HIVEP3: variants seen among roughly 807,000 people sequenced by gnomAD.
HIVEP3 encodes the protein HIVEP zinc finger 3.
HIVEP3 carries 49 observed loss-of-function variants against 152.8 expected under a neutral mutation model. That is an observed-to-expected ratio of 0.32 (90% CI 0.26 to 0.41). HIVEP3 has a LOEUF of 0.41. Among genes scored for constraint, HIVEP3 ranks in the 10% least tolerant of loss-of-function variants. The pLI, the probability that HIVEP3 is intolerant of heterozygous loss-of-function variation, is 1.00. For missense variants in HIVEP3, 2,790 were observed against 3,103.3 expected (o/e 0.90, Z 2.40); for synonymous variants, 1,269 against 1,289.0 (o/e 0.98, Z 0.33).
At chr1:41,760,103 C>T (rs536131916) in intron 1 of HIVEP3, among the ~76,000 whole-genome samples, 22 of 152,140 alleles carry the variant, frequency 1.4e-4, no homozygotes, top group Non-Finnish European at 2.9e-4. Flanking sequence ...AGCCCAAGAG[C>T]TGGAGGCTGC....
intron 1 of HIVEP3, among the ~76,000 whole-genome samples, chr1:41,885,053 A>C (rs1267320051): frequency 6.6e-6 from 1 of 152,140 alleles, no homozygotes. Flanking sequence ...GCAGTCCCTT[A>C]TTATACAAGC....
intron 5 of HIVEP3, among the ~76,000 whole-genome samples, chr1:41,532,077 A>G (rs1335330884): frequency 2.1e-4 from 28 of 133,516 alleles, no homozygotes; most frequent in Non-Finnish European, 3.2e-5. Flanking sequence ...GATGGAGGAC[A>G]GGAGAGATGG....
rs1175886877 is a variant in HIVEP3, at chr1:41,740,611, C to T, written c.-800-39616G>A. On this transcript the variant is annotated intron_variant, in intron 1 of 8. Coordinates refer to ENST00000372583, the MANE Select transcript of HIVEP3 (RefSeq NM_024503.5). ...GTGTCCTTCATATTTATTCTACAAACGTTTAATAAACACCCACCACTACAC... is the reference window on the plus strand; with the variant it reads ...GTGTCCTTCATATTTATTCTACAAATGTTTAATAAACACCCACCACTACAC... Among the ~76,000 whole-genome samples the T allele has an allele frequency of 4.6e-5, 7 of 152,216 alleles. No individual in the cohort carries two copies. The South Asian group carries it at 6.2e-4, about 14-fold the overall frequency.
chr1:41,978,107 T>C (rs983624988), intron 1 of HIVEP3, among the ~76,000 whole-genome samples: 5 of 152,226 alleles, frequency 3.3e-5, no homozygotes, highest in African/African-American at 4.8e-5. Flanking sequence ...CTTTCTGGTC[T>C]AAATTATAGA....
At position 41,507,729 on chromosome 1, in the gene HIVEP3, G is replaced by A. The variant is rs71648554; in HGVS notation, c.*2722C>T. The A allele has an allele frequency of 0.12, 18,167 of 152,462 alleles. 1,282 individuals carry two copies. The highest frequency in any genetic ancestry group is 0.18 in the Middle Eastern group (52 of 294). 9.4% of individuals were successfully genotyped at this position (152,462 alleles called of 1,614,324 possible). A position where few individuals can be genotyped will look rare whatever the true frequency, so the allele number is the denominator to read the frequency against. The stretch of plus-strand genomic sequence containing the variant: ...AGAGGAGGGCGTGCATGGGGCGAGC[G>A]TCTTTCTCCAAATCATGAAGGTGTA... On this transcript the variant is annotated 3_prime_UTR_variant, in exon 9 of 9. Transcript: ENST00000372583.
At chr1:41,717,200 G>C (rs1479132835) in intron 1 of HIVEP3, among the ~76,000 whole-genome samples, 1 of 151,548 alleles carries the variant, frequency 6.6e-6, no homozygotes, top group Non-Finnish European at 1.5e-5. Flanking sequence ...CTGGGGACCA[G>C]AACTTGGGCA....
intron 1 of HIVEP3, among the ~76,000 whole-genome samples, chr1:41,813,546 G>A (rs563640003): frequency 5.9e-5 from 9 of 152,306 alleles, no homozygotes; most frequent in African/African-American, 1.7e-4. Flanking sequence ...ACTTCTCTCC[G>A]CAGGACCACA....
intron 1 of HIVEP3, among the ~76,000 whole-genome samples, chr1:41,902,070 C>A (rs1417396001): frequency 6.6e-6 from 1 of 152,114 alleles, no homozygotes; most frequent in Non-Finnish European, 1.5e-5. Context: ...AGCCCAGAAA[C>A]TACCCACAAG....
Position 41,513,508 on chromosome 1 carries a change from C to T in HIVEP3, c.5713G>A (p.Ala1905Thr). 1.3e-6 allele frequency: 2 copies of T among 1,595,890 alleles called. No individual in the cohort carries two copies. Among genetic ancestry groups the T allele is most frequent in the Non-Finnish European group, 1.7e-6 (2 of 1,172,212 alleles). The change falls in exon 8 of 9, where the codon GCC (alanine) becomes ACC (threonine). Residue 1905 changes from alanine (A) to threonine (T), a missense_variant. Physicochemically the swap from Ala to Thr is moderately conservative, Grantham distance 58. Transcript: ENST00000372583. ...GTAGCCTCCGTGCCAGAGGCGGGGG[C>T]ATCTGGGGGCTGAGGGCCCAGGATG... is the stretch of plus-strand genomic sequence containing the variant. ...SPILGPQPPDAPASGTEATRG... is the reference protein window; with the variant it reads ...SPILGPQPPDTPASGTEATRG...
At chr1:41,647,458 T>C (rs1645477616) in intron 2 of HIVEP3, among the ~76,000 whole-genome samples, 1 of 152,222 alleles carries the variant, frequency 6.6e-6, no homozygotes, top group African/African-American at 2.4e-5. Context: ...CCACAGTGAC[T>C]GCAAGAGCAG....
rs1365885431 is a variant in HIVEP3 at position 41,580,923 on chromosome 1, G to A, written c.3875C>T (p.Pro1292Leu). ...SSDIRLPPVA[P>L]PASSSAPTSA... ...TGTAGGTGCTGAGGAGCTGGCTGGG[G>A]GAGCCACAGGGGGTAGCCGGATGTC... Residue 1292 changes from proline to leucine, a missense_variant, in exon 4 of 9, where the codon CCC becomes CTC. Pro to Leu is a moderately conservative substitution (Grantham distance 98). Coordinates refer to ENST00000372583, the MANE Select transcript of HIVEP3 (RefSeq NM_024503.5). 1.2e-6 allele frequency: 2 copies of A among 1,612,740 alleles called. No homozygotes were observed. The highest frequency in any genetic ancestry group is 1.7e-6 in the Non-Finnish European group (2 of 1,179,470).
chr1:42,018,037 T>C (rs1238302059), intron 1 of HIVEP3, among the ~76,000 whole-genome samples: 2 of 152,176 alleles, frequency 1.3e-5, no homozygotes, highest in Admixed American at 6.5e-5. Context: ...GCAATTGATA[T>C]AACTTTTAAC....
Position 41,628,936 on chromosome 1 carries a change from G to C in HIVEP3, c.-709C>G. 8.1e-7 allele frequency: 1 copy of C among 1,230,860 alleles called. No homozygotes were observed. The highest frequency in any genetic ancestry group is 4.2e-5 in the Admixed American group (1 of 23,716). 76.2% of individuals were successfully genotyped at this position (1,230,860 alleles called of 1,614,324 possible). A position where few individuals can be genotyped will look rare whatever the true frequency, so the allele number is the denominator to read the frequency against. ...GAACTAGGTTGAGGCTGCTGGGTTT[G>C]TGCCTCGAATCCTGCAGGAGATGAT... On this transcript the variant is annotated 5_prime_UTR_variant, in exon 3 of 9. Transcript: ENST00000372583.
At chr1:41,543,673 T>A (rs981206608) in intron 5 of HIVEP3, 2 of 152,236 alleles carry the variant, frequency 1.3e-5, no homozygotes, top group African/African-American at 4.8e-5. Context: ...ATATTGAGAC[T>A]GGGGCTAGAC....
At chr1:42,009,118 C>A (rs1022109415) in intron 1 of HIVEP3, among the ~76,000 whole-genome samples, 1 of 152,196 alleles carries the variant, frequency 6.6e-6, no homozygotes, top group Non-Finnish European at 1.5e-5. Context: ...AATTTACCAA[C>A]GCTGGTGATG....
At chr1:41,961,335 CA>C (rs778806882) in intron 1 of HIVEP3, among the ~76,000 whole-genome samples, 2 of 152,214 alleles carry the variant, frequency 1.3e-5, no homozygotes, top group African/African-American at 2.4e-5. Flanking sequence ...TCAAGAGACA[CA>C]ATAAAATGAT....
At chr1:41,754,226 T>A (rs1363785235) in intron 1 of HIVEP3, among the ~76,000 whole-genome samples, 3 of 152,030 alleles carry the variant, frequency 2.0e-5, no homozygotes, top group Admixed American at 6.5e-5. Flanking sequence ...ACCCAGGACC[T>A]TTGGCTTTCA....
intron 5 of HIVEP3, among the ~76,000 whole-genome samples, chr1:41,550,093 G>A (rs1643879166): frequency 6.6e-6 from 1 of 152,060 alleles, no homozygotes; most frequent in Admixed American, 6.5e-5. Context: ...TTCTACATAG[G>A]GCTAGCCAGT....
chr1:41,712,090 G>T (rs1646522043), intron 1 of HIVEP3, among the ~76,000 whole-genome samples: 1 of 152,204 alleles, frequency 6.6e-6, no homozygotes, highest in Admixed American at 6.5e-5. Flanking sequence ...TGAGGTCCGG[G>T]GAGGAGAGCA....
Sources: allele counts gnomAD v4.1 joint callset (sites outside exome capture counted in the v4.1 genomes callset), GRCh38; gene constraint gnomAD v4.1.1; transcripts MANE v1.5; gene names NCBI Gene and HGNC (gene_info 2026-07-23, HGNC 2026-07-21).